Variants in KDM4C observed in about 807,000 individuals in gnomAD.
KDM4C encodes lysine demethylase 4C.
A neutral mutation model predicts 129.3 loss-of-function variants in KDM4C; 81 were observed. The observed-to-expected ratio is 0.63, with a 90% CI of 0.52 to 0.75. The LOEUF is 0.75. Ranked by LOEUF, KDM4C falls within the 30% of genes least tolerant of loss-of-function variation. KDM4C has a pLI of 0.00. For missense variants in KDM4C, 1,457 were observed against 1,304.0 expected, an observed-to-expected ratio of 1.12 and a Z score of -1.81; for synonymous variants, 573 against 456.1, an observed-to-expected ratio of 1.26 and a Z score of -3.26.
At chr9:6,823,395 C>A (rs927884587) in intron 4 of KDM4C, among the ~76,000 whole-genome samples, 1 of 152,170 alleles carries the variant, frequency 6.6e-6, no homozygotes, top group Non-Finnish European at 1.5e-5. Flanking sequence ...TATGGGATAG[C>A]ATTTCATAAA....
chr9:6,864,662 A>G (rs922990322), intron 5 of KDM4C, among the ~76,000 whole-genome samples: 1 of 150,538 alleles, frequency 6.6e-6, no homozygotes. Context: ...TATTTTATTT[A>G]TTTATCTTTT....
chr9:7,002,047 C>G (rs1004146886), intron 12 of KDM4C, among the ~76,000 whole-genome samples: 28 of 152,094 alleles, frequency 1.8e-4, no homozygotes, highest in African/African-American at 6.8e-4. Flanking sequence ...CACGTACCAC[C>G]ACACCTGGCT....
At chr9:7,117,324 A>G (rs1839010319) in intron 18 of KDM4C, among the ~76,000 whole-genome samples, 1 of 152,086 alleles carries the variant, frequency 6.6e-6, no homozygotes, top group Non-Finnish European at 1.5e-5. Context: ...ATAACAAAAT[A>G]TTTGCATCTG....
intron 8 of KDM4C, among the ~76,000 whole-genome samples, chr9:6,935,316 C>T (rs1824565905): frequency 6.6e-6 from 1 of 150,908 alleles, no homozygotes; most frequent in African/African-American, 2.4e-5. Context: ...TTAATCCCTA[C>T]TCATCTCACC....
intron 15 of KDM4C, among the ~76,000 whole-genome samples, chr9:7,019,788 A>ATTATAT (rs1563993585): frequency 8.9e-4 from 129 of 144,198 alleles, no homozygotes; most frequent in Non-Finnish European, 1.1e-3. Flanking sequence ...ATATAAAAAT[A>ATTATAT]TTTTAGAAGC....
At chr9:6,787,101 C>G (rs72699668) in intron 1 of KDM4C, among the ~76,000 whole-genome samples, 10,232 of 152,188 alleles carry the variant, frequency 0.067, 507 homozygotes, top group Non-Finnish European at 0.1. Flanking sequence ...AGTAGTGATG[C>G]TAGAAACTGG....
chr9:6,984,547 C>T (rs1354116224), intron 10 of KDM4C, 143 bp downstream of exon 10: 7 of 625,846 alleles, frequency 1.1e-5, no homozygotes, highest in Non-Finnish European at 1.7e-5. Context: ...GGTAACTCAA[C>T]CAATAGTCCC....
At chr9:6,868,393 A>G (rs766028694) in intron 5 of KDM4C, among the ~76,000 whole-genome samples, 1 of 152,204 alleles carries the variant, frequency 6.6e-6, no homozygotes, top group Non-Finnish European at 1.5e-5. Flanking sequence ...GAGGTGTGCC[A>G]TAAAAAGCAG....
intron 1 of KDM4C, among the ~76,000 whole-genome samples, chr9:6,787,450 C>G (rs781080139): frequency 4.6e-5 from 7 of 152,214 alleles, no homozygotes; most frequent in Middle Eastern, 3.2e-3. Context: ...CCAGGCTGGT[C>G]TCAAATTCCT....
In KDM4C at chr9:7,037,850, T is replaced by G. The variant is rs140850119; in HGVS notation, c.2260-9012T>G. 2.9e-3 allele frequency among the ~76,000 whole-genome samples: 443 copies of G among 152,214 alleles called. 4 individuals are homozygous for G. Among genetic ancestry groups the G allele is most frequent in the African/African-American group, 9.3e-3 (386 of 41,550 alleles). ...GGCATTTTAGTATATATATTTTCTG[T>G]TTTGTTTTGGGGAACATTGGCTGAC... On this transcript the variant is annotated intron_variant, in intron 15 of 21. Coordinates refer to ENST00000381309, the MANE Select transcript of KDM4C (RefSeq NM_015061.6).
chr9:7,059,520 GA>G (rs1831326173), intron 17 of KDM4C, among the ~76,000 whole-genome samples: 1 of 152,182 alleles, frequency 6.6e-6, no homozygotes, highest in South Asian at 2.1e-4. Flanking sequence ...TACATGGTAT[GA>G]AAAGTTCATT....
chr9:6,905,546 T>C (rs1013211703), intron 8 of KDM4C, among the ~76,000 whole-genome samples: 1 of 152,246 alleles, frequency 6.6e-6, no homozygotes, highest in African/African-American at 2.4e-5. Context: ...TATACACTTA[T>C]GACCTTCAGA....
intron 1 of KDM4C, among the ~76,000 whole-genome samples, chr9:6,751,167 C>T (rs928133049): frequency 7.9e-5 from 12 of 152,120 alleles, no homozygotes; most frequent in South Asian, 6.2e-4. Flanking sequence ...CAGCCTAGGC[C>T]GGGCATGGTG....
At chr9:6,736,049 C>T (rs761933634) in intron 1 of KDM4C, among the ~76,000 whole-genome samples, 3 of 152,150 alleles carry the variant, frequency 2.0e-5, no homozygotes, top group Non-Finnish European at 4.4e-5. Context: ...AGGAGACTGG[C>T]AGCATTTTAC....
intron 5 of KDM4C, among the ~76,000 whole-genome samples, chr9:6,876,794 T>A (rs560996521): frequency 3.7e-4 from 56 of 152,224 alleles, no homozygotes; most frequent in African/African-American, 1.3e-3. Context: ...CCTACACACA[T>A]AGACTGCAGG....
intron 1 of KDM4C, among the ~76,000 whole-genome samples, chr9:6,783,215 T>A (rs1021894458): frequency 6.6e-6 from 1 of 152,222 alleles, no homozygotes; most frequent in Non-Finnish European, 1.5e-5. Flanking sequence ...TAACCGCCTG[T>A]GTACTTGTTC....
rs183349569 is a variant in KDM4C, at chr9:7,037,705, A to T, written c.2260-9157A>T. Among the ~76,000 whole-genome samples, 163 of 152,240 alleles carry T rather than the reference A, an allele frequency of 1.1e-3. 1 individual carries two copies. Among genetic ancestry groups the T allele is most frequent in the Middle Eastern group, 3.4e-3 (1 of 294 alleles). On this transcript the variant is annotated intron_variant, in intron 15 of 21. Transcript: ENST00000381309. ...TGTTCAGAATATGATCAGATTTTAT[A>T]TTTTTTCATTTATCTTTTAACCACC... is the stretch of plus-strand genomic sequence containing the variant.
In KDM4C at chr9:6,981,135, C is replaced by G. The variant is rs753407964; in HGVS notation, c.1115+17C>G. The G allele has an allele frequency of 6.1e-5, 97 of 1,588,306 alleles. No homozygotes were observed. The highest frequency in any genetic ancestry group is 7.4e-5 in the Non-Finnish European group (86 of 1,168,784). On this transcript the variant is annotated intron_variant, in intron 9 of 21. Coordinates refer to ENST00000381309, the MANE Select transcript of KDM4C (RefSeq NM_015061.6). ...ATCCCGAAGGTAATGACCCCTCACC[C>G]CACTGACCTGCCTTGCCTGTCGTGT...
At chr9:6,763,801 A>G (rs1475539985) in intron 1 of KDM4C, among the ~76,000 whole-genome samples, 2 of 152,212 alleles carry the variant, frequency 1.3e-5, no homozygotes, top group Non-Finnish European at 2.9e-5. Context: ...CTTGTTGCCC[A>G]GGCTGGAGTG....
Sources: gnomAD v4.1 joint callset for allele counts (sites outside exome capture counted in the v4.1 genomes callset) on GRCh38, gnomAD v4.1.1 for gene constraint, MANE v1.5 for transcripts, NCBI Gene and HGNC (gene_info 2026-07-23, HGNC 2026-07-21) for gene names.